FARS2: variants seen among roughly 807,000 people sequenced by gnomAD.
FARS2 encodes phenylalanyl-tRNA synthetase 2, mitochondrial.
FARS2 carries 40 observed loss-of-function variants against 46.4 expected under a neutral mutation model. That is an observed-to-expected ratio of 0.86 (90% CI 0.67 to 1.12). FARS2 has a LOEUF of 1.12. Among genes scored for constraint, FARS2 ranks in the 50% most tolerant of loss-of-function variants. FARS2 has a pLI of 0.00. For missense variants in FARS2, 513 were observed against 567.9 expected (o/e 0.90, Z 0.98); for synonymous variants, 234 against 214.9 (o/e 1.09, Z -0.78).
chr6:5,706,057 T>C (rs1758735820), intron 6 of FARS2, among the ~76,000 whole-genome samples: 1 of 152,124 alleles, frequency 6.6e-6, no homozygotes, highest in Non-Finnish European at 1.5e-5. Context: ...TTTCCATGGA[T>C]GGGGTGGGTG....
intron 5 of FARS2, among the ~76,000 whole-genome samples, chr6:5,546,260 T>G (rs1770982513): frequency 6.7e-6 from 1 of 150,282 alleles, no homozygotes; most frequent in Non-Finnish European, 1.5e-5. Context: ...TTGTACTTTT[T>G]TTTTTTTTTT....
At chr6:5,450,493 G>T (rs1036220496) in intron 4 of FARS2, among the ~76,000 whole-genome samples, 12 of 151,962 alleles carry the variant, frequency 7.9e-5, no homozygotes, top group African/African-American at 2.9e-4. Flanking sequence ...TGAAGGTCGC[G>T]GTGGCCATCG....
intron 2 of FARS2, among the ~76,000 whole-genome samples, chr6:5,381,398 C>T (rs940772106): frequency 4.0e-4 from 53 of 133,258 alleles, no homozygotes; most frequent in African/African-American, 1.4e-3. Context: ...CACACACACA[C>T]ACACACATAC....
At chr6:5,583,542 G>A (rs1315307932) in intron 5 of FARS2, among the ~76,000 whole-genome samples, 7 of 152,162 alleles carry the variant, frequency 4.6e-5, no homozygotes, top group African/African-American at 1.7e-4. Context: ...ACAGAAACCA[G>A]CTCACTCAAC....
At chr6:5,650,164 TG>T (rs1182528662) in intron 6 of FARS2, among the ~76,000 whole-genome samples, 2 of 151,746 alleles carry the variant, frequency 1.3e-5, no homozygotes, top group Non-Finnish European at 2.9e-5. Flanking sequence ...ACATGGAATG[TG>T]GCACGGTACC....
intron 6 of FARS2, among the ~76,000 whole-genome samples, chr6:5,678,953 T>A (rs953981785): frequency 6.6e-6 from 1 of 152,182 alleles, no homozygotes. Flanking sequence ...CACTGTCTGT[T>A]TTATGACCTG....
chr6:5,590,743 A>G (rs1250943469), intron 5 of FARS2, among the ~76,000 whole-genome samples: 3 of 152,174 alleles, frequency 2.0e-5, no homozygotes, highest in African/African-American at 7.2e-5. Context: ...TTTTGAGGGA[A>G]GAGATATTTT....
At chr6:5,580,156 G>A (rs939535075) in intron 5 of FARS2, among the ~76,000 whole-genome samples, 7 of 151,544 alleles carry the variant, frequency 4.6e-5, no homozygotes, top group African/African-American at 1.7e-4. Context: ...CGGGCGTGGT[G>A]GTGCGCACCT....
intron 2 of FARS2, among the ~76,000 whole-genome samples, chr6:5,383,478 T>C (rs996318935): frequency 1.3e-5 from 2 of 152,212 alleles, no homozygotes; most frequent in African/African-American, 4.8e-5. Flanking sequence ...AAATCCTGGC[T>C]GTGCAACTCA....
At chr6:5,556,670 A>G (rs1480926400) in intron 5 of FARS2, among the ~76,000 whole-genome samples, 1 of 114,888 alleles carries the variant, frequency 8.7e-6, no homozygotes, top group Admixed American at 8.3e-5. Flanking sequence ...TTGTTTATTA[A>G]GTTACTAAGA....
At chr6:5,302,350 A>G (rs1421021560) in intron 1 of FARS2, among the ~76,000 whole-genome samples, 1 of 152,184 alleles carries the variant, frequency 6.6e-6, no homozygotes, top group East Asian at 1.9e-4. Flanking sequence ...CACGTGGTAG[A>G]TAGCAAGGCT....
chr6:5,701,574 C>G (rs1180438035), intron 6 of FARS2, among the ~76,000 whole-genome samples: 1 of 152,238 alleles, frequency 6.6e-6, no homozygotes. Context: ...ACCAGGTTCT[C>G]TCTCACAAAC....
chr6:5,716,469 A>T (rs7771512), intron 6 of FARS2, among the ~76,000 whole-genome samples: 139,491 of 152,166 alleles, frequency 0.92, 64,161 homozygotes, highest in East Asian at 1. Flanking sequence ...CACAACAATC[A>T]ACACAGAGGA....
intron 5 of FARS2, among the ~76,000 whole-genome samples, chr6:5,574,371 G>A (rs369420787): frequency 7.9e-5 from 12 of 152,164 alleles, no homozygotes; most frequent in South Asian, 4.1e-4. Flanking sequence ...TGATCTACCC[G>A]CCTCGGCCTC....
At chr6:5,267,159 TAA>T (rs34285103) in intron 1 of FARS2, among the ~76,000 whole-genome samples, 22 of 147,228 alleles carry the variant, frequency 1.5e-4, no homozygotes, top group African/African-American at 5.5e-4. Context: ...TTTTTTTTCT[TAA>T]AAAAAAAAAA....
chr6:5,474,354 A>G (rs759130946), intron 4 of FARS2, among the ~76,000 whole-genome samples: 1 of 152,194 alleles, frequency 6.6e-6, no homozygotes. Flanking sequence ...CACAGTCCCA[A>G]ATTTTATGCT....
intron 5 of FARS2, among the ~76,000 whole-genome samples, chr6:5,561,771 C>G (rs1771997439): frequency 6.6e-6 from 1 of 152,058 alleles, no homozygotes; most frequent in African/African-American, 2.4e-5. Flanking sequence ...CTATTACCTT[C>G]TCTAGGTTTC....
intron 1 of FARS2, among the ~76,000 whole-genome samples, chr6:5,361,545 C>CTTT (rs1277114162): frequency 6.6e-6 from 1 of 152,196 alleles, no homozygotes; most frequent in African/African-American, 2.4e-5. Flanking sequence ...AAACTGCCTG[C>CTTT]TTATAGCCCT....
chr6:5,432,380 T>C (rs1283576025), intron 4 of FARS2, among the ~76,000 whole-genome samples: 1 of 127,504 alleles, frequency 7.8e-6, no homozygotes, highest in Admixed American at 9.5e-5. Flanking sequence ...TATATATTTA[T>C]ATATTATACA....
Sources: gnomAD v4.1 joint callset for allele counts (sites outside exome capture counted in the v4.1 genomes callset) on GRCh38, gnomAD v4.1.1 for gene constraint, MANE v1.5 for transcripts, NCBI Gene and HGNC (gene_info 2026-07-23, HGNC 2026-07-21) for gene names.